LRRC4C: variants seen among roughly 807,000 people sequenced by gnomAD.
LRRC4C encodes leucine rich repeat containing 4C.
A neutral mutation model predicts 33.6 loss-of-function variants in LRRC4C; 5 were observed. The observed-to-expected ratio is 0.15, with a 90% CI of 0.08 to 0.31. The LOEUF (loss-of-function observed/expected upper bound fraction) is 0.31. Among genes scored for constraint, LRRC4C ranks in the 10% least tolerant of loss-of-function variants. LRRC4C has a pLI of 1.00. For synonymous variants in LRRC4C, 329 were observed against 302.0 expected (o/e 1.09, Z -0.93); for missense variants, 560 against 796.7 (o/e 0.70, Z 3.58).
chr11:40,494,505 A>T lies in LRRC4C; in HGVS notation c.-270+153637T>A, dbSNP rs74960619. On this transcript the variant is annotated intron_variant, in intron 3 of 6. Coordinates refer to ENST00000528697, the MANE Select transcript of LRRC4C (RefSeq NM_001258419.2). The stretch of plus-strand genomic sequence containing the variant: ...TATATACTGGGTACCACCATTAGGG[A>T]CCTTGAATAAATTATCTCATTTATG... Among the ~76,000 whole-genome samples, 668 of 152,254 alleles carry T rather than the reference A, an allele frequency of 4.4e-3. 21 individuals carry two copies. The highest frequency in any genetic ancestry group is 0.031 in the Admixed American group (471 of 15,254).
intron 2 of LRRC4C, among the ~76,000 whole-genome samples, chr11:40,762,058 G>T (rs977518711): frequency 6.6e-6 from 1 of 152,096 alleles, no homozygotes; most frequent in Non-Finnish European, 1.5e-5. Context: ...CTTCTCTATA[G>T]CATAGAAGGA....
intron 3 of LRRC4C, among the ~76,000 whole-genome samples, chr11:40,573,082 T>C (rs920983840): frequency 6.6e-6 from 1 of 152,188 alleles, no homozygotes; most frequent in Non-Finnish European, 1.5e-5. Context: ...CAAAGGTGAC[T>C]ATTATTGCTC....
intron 1 of LRRC4C, among the ~76,000 whole-genome samples, chr11:41,319,503 C>T (rs1016469156): frequency 4.6e-5 from 7 of 152,244 alleles, no homozygotes; most frequent in African/African-American, 1.4e-4. Context: ...ATGCATTCTA[C>T]ATATCATAAT....
chr11:40,999,071 T>C (rs975143446), intron 1 of LRRC4C, among the ~76,000 whole-genome samples: 6 of 152,118 alleles, frequency 3.9e-5, no homozygotes, highest in African/African-American at 1.2e-4. Context: ...GAGTTTTCCA[T>C]AGGAGACTGC....
rs529730194 is a variant in LRRC4C at position 40,583,247 on chromosome 11, T to A, written c.-270+64895A>T. Among the ~76,000 whole-genome samples, 3 of 152,270 alleles carry A rather than the reference T, an allele frequency of 2.0e-5. 1 individual carries two copies. In the South Asian group the frequency reaches 6.2e-4, roughly 32 times the overall value. ...TTATTACCTATGAAATCCCAGACAG[T>A]TTAAACCACCTATTTCCTCTTACTC... is the stretch of plus-strand genomic sequence containing the variant. On this transcript the variant is annotated intron_variant, in intron 3 of 6. Transcript: ENST00000528697.
At chr11:40,429,241 T>C (rs1239228566) in intron 3 of LRRC4C, among the ~76,000 whole-genome samples, 4 of 152,150 alleles carry the variant, frequency 2.6e-5, no homozygotes, top group Non-Finnish European at 5.9e-5. Context: ...GCCCAGCTAA[T>C]TTTTATATTT....
At chr11:40,799,880 G>C (rs1950973483) in intron 2 of LRRC4C, among the ~76,000 whole-genome samples, 1 of 152,208 alleles carries the variant, frequency 6.6e-6, no homozygotes, top group Admixed American at 6.5e-5. Flanking sequence ...ATTTTCAGAA[G>C]TGGAAATATA....
intron 2 of LRRC4C, among the ~76,000 whole-genome samples, chr11:40,699,886 T>A (rs912945270): frequency 6.6e-6 from 1 of 152,194 alleles, no homozygotes; most frequent in South Asian, 2.1e-4. Context: ...TTCAATTAAA[T>A]ATACACAAAG....
At chr11:41,419,919 C>G (rs1189482444) in intron 1 of LRRC4C, among the ~76,000 whole-genome samples, 2 of 151,892 alleles carry the variant, frequency 1.3e-5, no homozygotes, top group African/African-American at 4.8e-5. Context: ...GTCTCTCCAT[C>G]ATTCAAAGAG....
chr11:41,059,817 G>A (rs2135354164), intron 1 of LRRC4C, among the ~76,000 whole-genome samples: 1 of 152,200 alleles, frequency 6.6e-6, no homozygotes, highest in Admixed American at 6.5e-5. Flanking sequence ...TTGAGGTCAG[G>A]AGTTTCAGAC....
intron 3 of LRRC4C, among the ~76,000 whole-genome samples, chr11:40,431,841 G>C (rs1021331799): frequency 3.9e-5 from 6 of 152,204 alleles, no homozygotes; most frequent in Admixed American, 3.9e-4. Context: ...CTACTACGCA[G>C]GACTTTCCTA....
chr11:40,288,412 T>C (rs930629960), intron 4 of LRRC4C, among the ~76,000 whole-genome samples: 4 of 152,220 alleles, frequency 2.6e-5, no homozygotes, highest in African/African-American at 9.6e-5. Flanking sequence ...AAGAATCCAA[T>C]GGTTATCTCC....
At chr11:41,380,842 C>T (rs1216254523) in intron 1 of LRRC4C, among the ~76,000 whole-genome samples, 2 of 152,126 alleles carry the variant, frequency 1.3e-5, no homozygotes, top group Non-Finnish European at 2.9e-5. Context: ...CTCTCTCTTT[C>T]TCTCTGCAAA....
intron 1 of LRRC4C, among the ~76,000 whole-genome samples, chr11:41,295,377 T>A (rs1950108741): frequency 1.3e-5 from 2 of 152,164 alleles, no homozygotes; most frequent in Admixed American, 6.5e-5. Context: ...AAATAAAATG[T>A]TTGTGGTGAT....
intron 1 of LRRC4C, among the ~76,000 whole-genome samples, chr11:41,265,066 T>G (rs980440051): frequency 2.0e-5 from 3 of 152,164 alleles, no homozygotes; most frequent in Admixed American, 1.3e-4. Flanking sequence ...ATACCATGAC[T>G]GTCCTATTGC....
intron 5 of LRRC4C, among the ~76,000 whole-genome samples, chr11:40,168,019 G>A (rs1228495890): frequency 6.6e-6 from 1 of 151,982 alleles, no homozygotes; most frequent in Admixed American, 6.6e-5. Flanking sequence ...ACTCCAGCCT[G>A]GCAACAGAGC....
At chr11:40,224,306 G>A (rs1177629097) in intron 5 of LRRC4C, among the ~76,000 whole-genome samples, 1 of 152,062 alleles carries the variant, frequency 6.6e-6, no homozygotes, top group Non-Finnish European at 1.5e-5. Flanking sequence ...TTTATCATGT[G>A]TGTGTTTAAA....
chr11:40,128,076 G>C (rs1342935341), intron 6 of LRRC4C, among the ~76,000 whole-genome samples: 2 of 145,158 alleles, frequency 1.4e-5, no homozygotes, highest in African/African-American at 2.6e-5. Context: ...AAATGCCCCG[G>C]AGGGTTGGTT....
intron 1 of LRRC4C, among the ~76,000 whole-genome samples, chr11:41,276,294 C>A (rs1301850290): frequency 6.6e-6 from 1 of 152,148 alleles, no homozygotes; most frequent in Non-Finnish European, 1.5e-5. Flanking sequence ...AGTTATTTCT[C>A]CCTGGTCACC....
Sources: allele counts gnomAD v4.1 joint callset (sites outside exome capture counted in the v4.1 genomes callset), GRCh38; gene constraint gnomAD v4.1.1; transcripts MANE v1.5; gene names NCBI Gene and HGNC (gene_info 2026-07-23, HGNC 2026-07-21).